KIF13B: variants seen among roughly 807,000 people sequenced by gnomAD.
The protein encoded by KIF13B is kinesin family member 13B.
Under a neutral mutation model 222.0 loss-of-function variants are expected in KIF13B, and 127 were observed. The observed-to-expected ratio is 0.57, with a 90% CI of 0.50 to 0.66. The LOEUF is 0.66. KIF13B is among the 30% of genes least tolerant of loss of function. The pLI is 0.00. For missense variants in KIF13B, 2,173 were observed against 2,379.0 expected, an observed-to-expected ratio of 0.91 and a Z score of 1.80; for synonymous variants, 976 against 919.0, an observed-to-expected ratio of 1.06 and a Z score of -1.12.
intron 37 of KIF13B, among the ~76,000 whole-genome samples, chr8:29,081,440 C>A (rs140841561): frequency 2.6e-5 from 4 of 152,188 alleles, no homozygotes; most frequent in Non-Finnish European, 5.9e-5. Flanking sequence ...ATGTTTAGAA[C>A]AGCCTCGGCA....
chr8:29,116,916 A>T lies in KIF13B; in HGVS notation c.3752T>A (p.Val1251Glu). 6.2e-7 allele frequency: 1 copy of T among 1,613,012 alleles called. No homozygotes were observed. The highest frequency in any genetic ancestry group is 8.5e-7 in the Non-Finnish European group (1 of 1,179,334). Reference protein sequence around the residue: ...TPVDERLFLIVRVTVQLSHPA... With the variant: ...TPVDERLFLIERVTVQLSHPA... ...GTGGCTGAGCTGGACCGTCACGCGCACGATCAGGAACAACCGCTCGTCCAC... is the reference window on the plus strand; with the variant it reads ...GTGGCTGAGCTGGACCGTCACGCGCTCGATCAGGAACAACCGCTCGTCCAC... The change falls in exon 31 of 40, where the codon GTG becomes GAG. Residue 1251 changes from valine (V) to glutamate (E), a missense_variant. Val to Glu is a moderately radical substitution (Grantham distance 121). Transcript: ENST00000524189.
In KIF13B at chr8:29,210,413, T is replaced by C. The variant is rs1344942588; in HGVS notation, c.150-14214A>G. On this transcript the variant is annotated intron_variant, in intron 2 of 39. Coordinates refer to ENST00000524189, the MANE Select transcript of KIF13B (RefSeq NM_015254.4). ...GATTGTCCAGGCACACCAGCAGAAA[T>C]GTGTTCAGATCCTTTCTCAGATGAG... is the stretch of plus-strand genomic sequence containing the variant. Among the ~76,000 whole-genome samples the C allele has an allele frequency of 2.6e-5, 4 of 152,158 alleles. No individual in the cohort carries two copies. The East Asian group carries it at 7.7e-4, about 29-fold the overall frequency.
At chr8:29,193,619 T>C (rs1346725469) in intron 3 of KIF13B, among the ~76,000 whole-genome samples, 1 of 152,210 alleles carries the variant, frequency 6.6e-6, no homozygotes, top group African/African-American at 2.4e-5. Context: ...CATCCCTCAG[T>C]ATCCTGAGTG....
chr8:29,221,284 G>A (rs7825557), intron 2 of KIF13B, among the ~76,000 whole-genome samples: 20,129 of 151,326 alleles, frequency 0.13, 1,473 homozygotes, highest in South Asian at 0.15. Flanking sequence ...TGTGTTTTTA[G>A]TGGAGGCGGG....
At chr8:29,088,788 T>C (rs937191497) in intron 37 of KIF13B, among the ~76,000 whole-genome samples, 2 of 152,220 alleles carry the variant, frequency 1.3e-5, no homozygotes, top group Non-Finnish European at 2.9e-5. Flanking sequence ...GCATAAAGCA[T>C]ATTCAAAGCA....
At chr8:29,092,976 C>T (rs1329710194) in intron 36 of KIF13B, 98 bp from the exon 37 acceptor site, 1 of 1,130,938 alleles carries the variant, frequency 8.8e-7, no homozygotes, top group Non-Finnish European at 1.2e-6. Flanking sequence ...GCAAATCTAA[C>T]AAAAACCAAA....
At position 29,156,837 on chromosome 8, in the gene KIF13B, T is replaced by C. The variant is rs542978946; in HGVS notation, c.1405-981A>G. Among the ~76,000 whole-genome samples, 238 of 152,160 alleles carry C rather than the reference T, an allele frequency of 1.6e-3. 1 individual carries two copies. Among genetic ancestry groups the C allele is most frequent in the Non-Finnish European group, 2.1e-3 (143 of 67,984 alleles). ...TGCCCAGCCTCAGCCACTATTATTT[T>C]CTGCCTACTCAGCCTACTTGACACA... On this transcript the variant is annotated intron_variant, in intron 13 of 39. Transcript: ENST00000524189.
chr8:29,067,386 A>T lies in KIF13B; in HGVS notation c.*3118T>A, dbSNP rs1236456944. The stretch of plus-strand genomic sequence containing the variant: ...TTTAGTTCATTACATGATACAAATC[A>T]TTAGAGTCTTTACAAGTCATTAGAG... On this transcript the variant is annotated 3_prime_UTR_variant, in exon 40 of 40. Transcript: ENST00000524189. The T allele has an allele frequency of 6.6e-6, 1 of 152,640 alleles. No homozygotes were observed. Among genetic ancestry groups the T allele is most frequent in the Non-Finnish European group, 1.5e-5 (1 of 68,046 alleles). 9.5% of individuals were successfully genotyped at this position (152,640 alleles called of 1,614,324 possible).
intron 1 of KIF13B, among the ~76,000 whole-genome samples, chr8:29,247,220 T>TA (rs1211006216): frequency 1.5e-4 from 22 of 151,322 alleles, no homozygotes; most frequent in South Asian, 2.1e-4. Flanking sequence ...CCCCCACGTC[T>TA]AAAAAAAACA....
chr8:29,246,114 T>C (rs1816008934), intron 1 of KIF13B, among the ~76,000 whole-genome samples: 3 of 152,188 alleles, frequency 2.0e-5, no homozygotes, highest in Admixed American at 2.0e-4. Flanking sequence ...GTGCGGTGGC[T>C]CACGTCTGTA....
chr8:29,072,249 T>A lies in KIF13B; in HGVS notation c.4589A>T (p.Asp1530Val). ...TGGGGAAGGCACTTTGGCAGGTTTG[T>A]CGCAGATCTTCAAGGCCGGGGCCCC... ...TMGAPALKIC[D>V]KPAKVPSPPP... Residue 1530 changes from aspartate (D) to valine (V), a missense_variant, in exon 39 of 40, where the codon GAC (aspartate) becomes GTC (valine). By Grantham distance (152) the Asp-to-Val change is radical. Around this residue, in one of 2 missense-constraint regions of KIF13B, gnomAD observed 693 missense variants for 656.2 expected, o/e 1.06. Transcript: ENST00000524189. The A allele has an allele frequency of 6.8e-7, 1 of 1,470,488 alleles. No individual in the cohort carries two copies. The highest frequency in any genetic ancestry group is 9.0e-7 in the Non-Finnish European group (1 of 1,111,902). The allele number at this position is 1,470,488 out of a possible 1,614,324, so 91.1% of individuals were successfully genotyped here.
At chr8:29,072,692 T>C (rs541288316) in intron 38 of KIF13B, among the ~76,000 whole-genome samples, 57 of 152,264 alleles carry the variant, frequency 3.7e-4, no homozygotes, top group African/African-American at 1.3e-3. Context: ...GCACTGACCA[T>C]GGCCACAGCC....
chr8:29,125,709 A>G (rs1810076933), intron 26 of KIF13B, among the ~76,000 whole-genome samples: 1 of 152,018 alleles, frequency 6.6e-6, no homozygotes, highest in South Asian at 2.1e-4. Context: ...CACAGAAAGA[A>G]ACAAAGTCTT....
At chr8:29,202,614 G>A (rs946940544) in intron 2 of KIF13B, among the ~76,000 whole-genome samples, 3 of 152,152 alleles carry the variant, frequency 2.0e-5, no homozygotes, top group African/African-American at 7.2e-5. Context: ...TATTTCTTTA[G>A]TATAAGAATA....
Position 29,071,781 on chromosome 8 carries a change from G to A in KIF13B, c.5057C>T (p.Ala1686Val). ...NAPAPGAGGQ[A>V]LASDSEEADE... is the part of the protein sequence containing the mutation. ...AGCTTCCTCGGAATCAGAGGCCAGGGCCTGTCCCCCGGCGCCCGGGGCCGG... is the reference window on the plus strand; with the variant it reads ...AGCTTCCTCGGAATCAGAGGCCAGGACCTGTCCCCCGGCGCCCGGGGCCGG... Residue 1686 changes from alanine to valine, a missense_variant, in exon 39 of 40, where the codon GCC (alanine) becomes GTC (valine). Transcript: ENST00000524189. The surrounding 1 kb of genome is among the most constrained non-coding windows in gnomAD (Gnocchi z 4.9). 1.3e-6 allele frequency: 2 copies of A among 1,548,438 alleles called. No individual in the cohort carries two copies. Among genetic ancestry groups the A allele is most frequent in the Non-Finnish European group, 1.7e-6 (2 of 1,146,492 alleles).
At chr8:29,099,050 T>G in intron 36 of KIF13B, 83 bp downstream of exon 36, 1 of 1,065,970 alleles carries the variant, frequency 9.4e-7, no homozygotes, top group Non-Finnish European at 1.5e-6. Flanking sequence ...GAACAGTGGC[T>G]GCCTGGCAGG....
chr8:29,247,394 A>T (rs947067251), intron 1 of KIF13B, among the ~76,000 whole-genome samples: 8 of 152,128 alleles, frequency 5.3e-5, no homozygotes, highest in South Asian at 2.1e-4. Flanking sequence ...AAAAACAAAA[A>T]TTTTTTTTAA....
At chr8:29,073,059 G>A (rs1457163361) in intron 38 of KIF13B, among the ~76,000 whole-genome samples, 1 of 147,172 alleles carries the variant, frequency 6.8e-6, no homozygotes, top group African/African-American at 2.5e-5. Context: ...GAGCAAGGCA[G>A]CAGGGGGACG....
intron 13 of KIF13B, among the ~76,000 whole-genome samples, chr8:29,158,804 AC>A (rs1811645668): frequency 6.6e-6 from 1 of 151,996 alleles, no homozygotes; most frequent in African/African-American, 2.4e-5. Context: ...CTGAAACACA[AC>A]CCAAACACCT....
Sources: gnomAD v4.1 joint callset for allele counts (sites outside exome capture counted in the v4.1 genomes callset) on GRCh38, gnomAD v4.1.1 for gene constraint, gnomAD v4.1.1 regional missense constraint, Gnocchi (gnomAD v3.1) non-coding constraint, MANE v1.5 for transcripts, NCBI Gene and HGNC (gene_info 2026-07-23, HGNC 2026-07-21) for gene names.